Variants in GRID1 observed in about 807,000 individuals in gnomAD.
The protein encoded by GRID1 is glutamate ionotropic receptor delta type subunit 1, also known as glutamate receptor ionotropic, delta-1.
In GRID1, 28 loss-of-function variants were observed where a neutral mutation model predicts 98.0. The observed-to-expected ratio is 0.29, with a 90% CI of 0.21 to 0.39. The LOEUF (loss-of-function observed/expected upper bound fraction) is 0.39. Ranked by LOEUF, GRID1 falls within the 10% of genes least tolerant of loss-of-function variation. The pLI, the probability that GRID1 is intolerant of heterozygous loss-of-function variation, is 1.00. For missense variants in GRID1, 1,111 were observed against 1,340.5 expected (o/e 0.83, Z 2.67); for synonymous variants, 553 against 538.5 (o/e 1.03, Z -0.37).
chr10:85,854,182 C>T (rs991546430), intron 8 of GRID1, among the ~76,000 whole-genome samples: 1 of 152,188 alleles, frequency 6.6e-6, no homozygotes, highest in Non-Finnish European at 1.5e-5. Flanking sequence ...TTTCACTGCT[C>T]TGAGAAAACA....
intron 8 of GRID1, among the ~76,000 whole-genome samples, chr10:85,735,842 A>AAGGG (rs1402692404): frequency 6.8e-6 from 1 of 146,782 alleles, no homozygotes; most frequent in Non-Finnish European, 1.5e-5. Flanking sequence ...GGAAAGAAGG[A>AAGGG]AGGGAGGAAG....
intron 3 of GRID1, among the ~76,000 whole-genome samples, chr10:86,155,783 G>C (rs1303704178): frequency 6.6e-6 from 1 of 152,210 alleles, no homozygotes; most frequent in Non-Finnish European, 1.5e-5. Context: ...GGGAGGGCAG[G>C]AGGGAGGAAA....
At chr10:85,745,690 T>C (rs1841989552) in intron 8 of GRID1, among the ~76,000 whole-genome samples, 2 of 141,706 alleles carry the variant, frequency 1.4e-5, no homozygotes, top group Non-Finnish European at 3.0e-5. Context: ...ACCTGCACAA[T>C]GTGCACATGT....
chr10:86,021,343 T>C (rs932469067), intron 4 of GRID1, among the ~76,000 whole-genome samples: 1 of 152,162 alleles, frequency 6.6e-6, no homozygotes, highest in East Asian at 1.9e-4. Flanking sequence ...AACAATGCTG[T>C]GATCTGATCT....
intron 2 of GRID1, among the ~76,000 whole-genome samples, chr10:86,292,536 G>C (rs1334235102): frequency 6.6e-6 from 1 of 152,204 alleles, no homozygotes; most frequent in Non-Finnish European, 1.5e-5. Flanking sequence ...CACCTCCTCT[G>C]GTCCCATGGA....
chr10:85,872,605 G>T (rs1843289652), intron 5 of GRID1, among the ~76,000 whole-genome samples: 1 of 152,246 alleles, frequency 6.6e-6, no homozygotes, highest in African/African-American at 2.4e-5. Flanking sequence ...GCAGCACCTG[G>T]AGTGAGTGGC....
rs1848635520 is a variant in GRID1 at position 86,363,724 on chromosome 10, C to A, written c.235+217G>T. Among the ~76,000 whole-genome samples, 3 of 152,346 alleles carry A rather than the reference C, an allele frequency of 2.0e-5. No individual in the cohort carries two copies. The South Asian group carries it at 6.2e-4, about 32-fold the overall frequency. ...AACCCGCAAGAACACCAGCTCCCCGCGCTCGCAGGCTCTCCGTGCCGGCCC... is the reference window on the plus strand; with the variant it reads ...AACCCGCAAGAACACCAGCTCCCCGAGCTCGCAGGCTCTCCGTGCCGGCCC... On this transcript the variant is annotated intron_variant, in intron 2 of 15. Coordinates refer to ENST00000327946, the MANE Select transcript of GRID1 (RefSeq NM_017551.3).
At chr10:85,621,764 T>C (rs1842861856) in intron 13 of GRID1, among the ~76,000 whole-genome samples, 1 of 152,142 alleles carries the variant, frequency 6.6e-6, no homozygotes, top group East Asian at 1.9e-4. Flanking sequence ...TCCTTCCTTG[T>C]AGGAAGATAA....
intron 2 of GRID1, among the ~76,000 whole-genome samples, chr10:86,220,490 G>T (rs1238657600): frequency 1.3e-5 from 2 of 152,190 alleles, no homozygotes; most frequent in Admixed American, 6.5e-5. Flanking sequence ...GTAAGTACAG[G>T]TAACTTACCA....
At chr10:85,769,798 G>T (rs563784429) in intron 8 of GRID1, among the ~76,000 whole-genome samples, 2 of 152,240 alleles carry the variant, frequency 1.3e-5, no homozygotes, top group East Asian at 3.9e-4. Flanking sequence ...GCCCAGGCTT[G>T]CTTAGGTAAA....
At chr10:86,196,343 C>A (rs1845871415) in intron 3 of GRID1, among the ~76,000 whole-genome samples, 1 of 152,028 alleles carries the variant, frequency 6.6e-6, no homozygotes, top group African/African-American at 2.4e-5. Context: ...GTCCTGGGTA[C>A]TGCGGAGGAG....
Position 85,694,550 on chromosome 10 carries a change from GTATATATATATATATATATATATA to G in GRID1, c.1997+28429_1997+28452del, listed in dbSNP as rs56344083. 2.4e-3 allele frequency among the ~76,000 whole-genome samples: 227 copies of G among 92,838 alleles called. 5 individuals carry two copies. In the South Asian group the frequency reaches 0.042, roughly 17 times the overall value. 60.9% of individuals were successfully genotyped at this position (92,838 alleles called of 152,430 possible). ...TAACTAGATAAAGAAAATGTGGTGT[GTATATATATATATATATATATATA>G]TATATATATATATATATATATATAT... On this transcript the variant is annotated intron_variant, in intron 12 of 15. Transcript: ENST00000327946.
intron 8 of GRID1, among the ~76,000 whole-genome samples, chr10:85,818,090 G>A (rs1025992257): frequency 2.6e-5 from 4 of 152,162 alleles, no homozygotes; most frequent in Non-Finnish European, 4.4e-5. Context: ...CTGATTAGCA[G>A]TTCTGATACT....
At chr10:85,799,439 C>T (rs1337789809) in intron 8 of GRID1, among the ~76,000 whole-genome samples, 2 of 152,090 alleles carry the variant, frequency 1.3e-5, no homozygotes, top group Admixed American at 6.5e-5. Flanking sequence ...CAACACTACT[C>T]ACAATAACTA....
At chr10:86,274,888 T>C (rs914500355) in intron 2 of GRID1, among the ~76,000 whole-genome samples, 4 of 151,854 alleles carry the variant, frequency 2.6e-5, no homozygotes, top group Non-Finnish European at 4.4e-5. Context: ...CTTTTCCTAA[T>C]TGAATACCCT....
At chr10:85,876,179 T>C (rs1389764347) in intron 5 of GRID1, among the ~76,000 whole-genome samples, 1 of 152,024 alleles carries the variant, frequency 6.6e-6, no homozygotes, top group African/African-American at 2.4e-5. Context: ...AATAACAGAG[T>C]TTTATTCTAT....
rs550119021 is a variant in GRID1, at chr10:85,739,355, G to T, written c.1234-9741C>A. ...AACAACTTGTGAGGCTAAGGCAAGA[G>T]AATCACTTGAGCCCAGGAGATTGAG... On this transcript the variant is annotated intron_variant, in intron 8 of 15. Coordinates refer to ENST00000327946, the MANE Select transcript of GRID1 (RefSeq NM_017551.3). Among the ~76,000 whole-genome samples the T allele has an allele frequency of 2.0e-5, 3 of 152,154 alleles. No individual in the cohort carries two copies. In the East Asian group the frequency reaches 5.8e-4, roughly 29 times the overall value.
intron 5 of GRID1, among the ~76,000 whole-genome samples, chr10:85,908,368 A>T (rs1338504012): frequency 6.6e-6 from 1 of 152,188 alleles, no homozygotes; most frequent in Non-Finnish European, 1.5e-5. Context: ...AATATGCAAA[A>T]ATCAATTGCA....
intron 8 of GRID1, among the ~76,000 whole-genome samples, chr10:85,759,002 T>C (rs1200946283): frequency 6.6e-6 from 1 of 152,210 alleles, no homozygotes; most frequent in Non-Finnish European, 1.5e-5. Flanking sequence ...TGTAGAATTG[T>C]TGTGAGGATT....
Sources: gnomAD v4.1 joint callset for allele counts (sites outside exome capture counted in the v4.1 genomes callset) on GRCh38, gnomAD v4.1.1 for gene constraint, MANE v1.5 for transcripts, NCBI Gene and HGNC (gene_info 2026-07-23, HGNC 2026-07-21) for gene names.